The following USP4 variants were observed in gnomAD, a reference collection of about 807,000 sequenced individuals.
The protein encoded by USP4 is ubiquitin specific peptidase 4.
USP4 carries 72 observed loss-of-function variants against 118.2 expected under a neutral mutation model. That is an observed-to-expected ratio of 0.61 (90% CI 0.50 to 0.74). USP4 has a LOEUF of 0.74. Ranked by LOEUF, USP4 falls within the 30% of genes least tolerant of loss-of-function variation. The pLI is 0.00. For missense variants in USP4, 1,037 were observed against 1,185.7 expected, an observed-to-expected ratio of 0.87 and a Z score of 1.84; for synonymous variants, 415 against 440.4, an observed-to-expected ratio of 0.94 and a Z score of 0.72.
intron 6 of USP4, chr3:49,312,713 G>C (rs2047397149): frequency 3.3e-6 from 1 of 302,002 alleles, no homozygotes; most frequent in Admixed American, 4.3e-5. Context: ...AGAATTGCGT[G>C]AAACCGGGAG....
chr3:49,283,804 C>T (rs2107765789), intron 19 of USP4, among the ~76,000 whole-genome samples, 183 bp downstream of exon 19: 1 of 152,302 alleles, frequency 6.6e-6, no homozygotes, highest in Middle Eastern at 3.4e-3. Context: ...TGGAGAGTCT[C>T]TTCCCCAAAG....
chr3:49,332,781 GC>G (rs2047631647), intron 2 of USP4, among the ~76,000 whole-genome samples: 1 of 152,078 alleles, frequency 6.6e-6, no homozygotes, highest in African/African-American at 2.4e-5. Flanking sequence ...TGTAATCCCA[GC>G]ACTCTGGGAC....
rs2046981057 is a variant in USP4, at chr3:49,278,105, A to G, written c.*188T>C. The G allele has an allele frequency of 3.1e-6, 2 of 644,410 alleles. No homozygotes were observed. Among genetic ancestry groups the G allele is most frequent in the Non-Finnish European group, 2.4e-6 (1 of 411,138 alleles). 39.9% of individuals were successfully genotyped at this position (644,410 alleles called of 1,614,324 possible). On this transcript the variant is annotated 3_prime_UTR_variant, in exon 22 of 22. Coordinates refer to ENST00000265560, the MANE Select transcript of USP4 (RefSeq NM_003363.4). The stretch of plus-strand genomic sequence containing the variant: ...ACCTGTTTAAAAATAAAAATAATTC[A>G]GCCTCTTGACATAGCTTCTTCTAGG...
In USP4 at chr3:49,311,892, A is replaced by G. The variant is rs916548140; in HGVS notation, c.696-238T>C. 33 of 1,187,032 alleles carry G rather than the reference A, an allele frequency of 2.8e-5. 1 individual carries two copies. In the South Asian group the frequency reaches 4.8e-4, roughly 17 times the overall value. 73.5% of individuals were successfully genotyped at this position (1,187,032 alleles called of 1,614,324 possible). A position where few individuals can be genotyped will look rare whatever the true frequency, so the allele number is the denominator to read the frequency against. Reference sequence around the variant, plus strand: ...ACATACCCTTTCAGTGTGAAAAACCACAAGGCTGACCAGGCGCAGTGGCTC... The same window carrying G: ...ACATACCCTTTCAGTGTGAAAAACCGCAAGGCTGACCAGGCGCAGTGGCTC... On this transcript the variant is annotated intron_variant, in intron 6 of 21. Transcript: ENST00000265560.
chr3:49,290,268 G>A (rs540547109), intron 15 of USP4, among the ~76,000 whole-genome samples: 2 of 152,208 alleles, frequency 1.3e-5, no homozygotes, highest in East Asian at 3.9e-4. Flanking sequence ...TACAAAACTA[G>A]CCAAGTGTGG....
intron 6 of USP4, among the ~76,000 whole-genome samples, chr3:49,321,603 G>A (rs1023606840): frequency 6.6e-6 from 1 of 151,544 alleles, no homozygotes; most frequent in African/African-American, 2.4e-5. Context: ...CAGTAGCTAC[G>A]ATTACAGGCA....
At position 49,324,979 on chromosome 3, in the gene USP4, A is replaced by G; in HGVS notation, c.548T>C (p.Leu183Pro). Reference protein sequence around the residue: ...FNIPAERETRLWNKYMSNTYE... With the variant: ...FNIPAERETRPWNKYMSNTYE... ...GGTGTTGCTCATGTATTTGTTCCAG[A>G]GCCGTGTTTCACGCTCCGCAGGGAT... is the stretch of plus-strand genomic sequence containing the variant. Residue 183 changes from leucine to proline, a missense_variant, in exon 5 of 22, where the codon CTC becomes CCC. By Grantham distance (98) the Leu-to-Pro change is moderately conservative (BLOSUM62 -3). This residue lies in a region of USP4 where 487 missense variants were observed against 534.1 expected (regional missense o/e 0.91). Coordinates refer to ENST00000265560, the MANE Select transcript of USP4 (RefSeq NM_003363.4). 6.2e-7 allele frequency: 1 copy of G among 1,613,290 alleles called. No homozygotes were observed. The highest frequency in any genetic ancestry group is 8.5e-7 in the Non-Finnish European group (1 of 1,179,922).
chr3:49,334,044 T>C (rs907832605), intron 2 of USP4, among the ~76,000 whole-genome samples: 7 of 151,658 alleles, frequency 4.6e-5, no homozygotes, highest in East Asian at 1.9e-4. Flanking sequence ...AGCTCCCTGA[T>C]CACTGATCAC....
chr3:49,338,702 C>CA (rs34344204), intron 1 of USP4, among the ~76,000 whole-genome samples: 2 of 148,830 alleles, frequency 1.3e-5, no homozygotes, highest in South Asian at 2.2e-4. Context: ...AAAGAAAACA[C>CA]AAAAAAAGTA....
intron 4 of USP4, among the ~76,000 whole-genome samples, 164 bp downstream of exon 4, chr3:49,325,555 C>A (rs1404274404): frequency 6.6e-6 from 1 of 152,044 alleles, no homozygotes; most frequent in African/African-American, 2.4e-5. Context: ...CATAAGAATT[C>A]CTGGAGGAAT....
At chr3:49,337,249 G>A (rs2047677882) in intron 1 of USP4, among the ~76,000 whole-genome samples, 1 of 151,616 alleles carries the variant, frequency 6.6e-6, no homozygotes, top group South Asian at 2.1e-4. Flanking sequence ...TTGCACTCTA[G>A]CCTGGGTGAC....
chr3:49,320,452 A>G (rs903541816), intron 6 of USP4, among the ~76,000 whole-genome samples: 5 of 151,504 alleles, frequency 3.3e-5, no homozygotes, highest in Non-Finnish European at 2.9e-5. Context: ...CAAACAAAAA[A>G]GAAAAAGAAA....
intron 11 of USP4, among the ~76,000 whole-genome samples, chr3:49,299,304 G>A (rs2047240246): frequency 6.6e-6 from 1 of 151,510 alleles, no homozygotes; most frequent in Non-Finnish European, 1.5e-5. Flanking sequence ...TGGTCAGGGT[G>A]GTCTCGAACT....
intron 6 of USP4, among the ~76,000 whole-genome samples, chr3:49,321,703 AT>A (rs1267668038): frequency 3.3e-5 from 5 of 151,168 alleles, no homozygotes; most frequent in South Asian, 2.1e-4. Context: ...CCTATTATTG[AT>A]TTTTTTTGGC....
chr3:49,296,078 T>C (rs552663896), intron 13 of USP4, among the ~76,000 whole-genome samples: 3 of 152,156 alleles, frequency 2.0e-5, no homozygotes, highest in Admixed American at 2.0e-4. Flanking sequence ...ACACCTGTAA[T>C]CCCAGCACTT....
At chr3:49,337,093 G>A (rs1187806488) in intron 1 of USP4, among the ~76,000 whole-genome samples, 1 of 151,852 alleles carries the variant, frequency 6.6e-6, no homozygotes, top group Non-Finnish European at 1.5e-5. Context: ...AGACCAGCCT[G>A]GGCAACAAAC....
chr3:49,311,543 A>C lies in USP4; in HGVS notation c.807T>G (p.Cys269Trp). ...LIANGDSTST[C>W]GMHSSGVSRG... is the part of the protein sequence containing the mutation. The stretch of plus-strand genomic sequence containing the variant: ...TGCTGACACCGGAACTGTGCATCCC[A>C]CAGGTGCTAGTGCTATCACCATTTG... The change falls in exon 7 of 22, where the codon TGT becomes TGG. Residue 269 changes from cysteine (C) to tryptophan (W), a missense_variant. Around this residue, in one of 3 missense-constraint regions of USP4, gnomAD observed 487 missense variants for 534.1 expected, o/e 0.91. Transcript: ENST00000265560. 1 of 1,613,942 alleles carries C rather than the reference A, an allele frequency of 6.2e-7. No homozygotes were observed. Among genetic ancestry groups the C allele is most frequent in the Middle Eastern group, 1.7e-4 (1 of 6,058 alleles).
intron 15 of USP4, among the ~76,000 whole-genome samples, chr3:49,287,041 G>A (rs992507165): frequency 1.3e-5 from 2 of 151,892 alleles, no homozygotes; most frequent in Non-Finnish European, 2.9e-5. Flanking sequence ...TAGTAGAGAC[G>A]GGGTTTCACC....
chr3:49,286,431 T>C lies in USP4; in HGVS notation c.1973-106A>G, dbSNP rs2047091505. 7 of 1,156,208 alleles carry C rather than the reference T, an allele frequency of 6.1e-6. No individual in the cohort carries two copies. The Middle Eastern group carries it at 8.1e-4, about 134-fold the overall frequency. The allele number at this position is 1,156,208 out of a possible 1,614,324, so 71.6% of individuals were successfully genotyped here. ...GTGTTTCCTTCCAGATTTTGTTCTG[T>C]GTATATGAAGTTAAATCTATTCCTT... On this transcript the variant is annotated intron_variant, in intron 15 of 21. Transcript: ENST00000265560.
Sources: allele counts gnomAD v4.1 joint callset (sites outside exome capture counted in the v4.1 genomes callset), GRCh38; gene constraint gnomAD v4.1.1; regional missense constraint gnomAD v4.1.1; transcripts MANE v1.5; gene names NCBI Gene and HGNC (gene_info 2026-07-23, HGNC 2026-07-21).